LRP2: variants seen among roughly 807,000 people sequenced by gnomAD.
The protein encoded by LRP2 is LDL receptor related protein 2.
LRP2 carries 172 observed loss-of-function variants against 531.0 expected under a neutral mutation model. The ratio of observed to expected loss-of-function variants is 0.32; its 90% confidence interval spans 0.29 to 0.37. LRP2 has a LOEUF of 0.37. LRP2 is among the 10% of genes least tolerant of loss of function. The pLI is 1.00. For missense variants in LRP2, 5,167 were observed against 5,868.3 expected, an observed-to-expected ratio of 0.88 and a Z score of 3.90; for synonymous variants, 1,992 against 2,027.6, an observed-to-expected ratio of 0.98 and a Z score of 0.47.
intron 41 of LRP2, among the ~76,000 whole-genome samples, chr2:169,204,788 T>C (rs915744045): frequency 4.6e-5 from 7 of 152,104 alleles, no homozygotes; most frequent in African/African-American, 1.7e-4. Context: ...CAAAGAAATA[T>C]GCAAGAAAAA....
At chr2:169,158,469 T>A (rs142121207) in intron 63 of LRP2, among the ~76,000 whole-genome samples, 2 of 152,044 alleles carry the variant, frequency 1.3e-5, no homozygotes, top group Non-Finnish European at 2.9e-5. Context: ...AAATTGAATA[T>A]GTCTGGAACT....
At chr2:169,331,537 T>A (rs1203623464) in intron 1 of LRP2, among the ~76,000 whole-genome samples, 1 of 152,192 alleles carries the variant, frequency 6.6e-6, no homozygotes, top group East Asian at 1.9e-4. Flanking sequence ...GGAAGGAAAC[T>A]AAGCTCAAGA....
chr2:169,302,596 G>A (rs1684312751), intron 4 of LRP2, among the ~76,000 whole-genome samples: 1 of 152,166 alleles, frequency 6.6e-6, no homozygotes, highest in Non-Finnish European at 1.5e-5. Flanking sequence ...GGTCCCAAAT[G>A]TCATTAGTGT....
chr2:169,351,586 C>G (rs1685850111), intron 1 of LRP2, among the ~76,000 whole-genome samples: 1 of 152,124 alleles, frequency 6.6e-6, no homozygotes, highest in Non-Finnish European at 1.5e-5. Flanking sequence ...CTGGTTGCTT[C>G]CATTTTCACA....
chr2:169,282,906 C>G lies in LRP2; in HGVS notation c.1138G>C (p.Glu380Gln). ...LCHCEEGYIL[E>Q]RGQYCKANDS... Reference sequence around the variant, plus strand: ...TTAGCTTTGCAATACTGTCCACGCTCCAAGATATACCCTTCTTCACAGTGG... The same window carrying G: ...TTAGCTTTGCAATACTGTCCACGCTGCAAGATATACCCTTCTTCACAGTGG... The change falls in exon 10 of 79, where the codon GAG (glutamate) becomes CAG (glutamine). Residue 380 changes from glutamate (E) to glutamine (Q), a missense_variant. By Grantham distance (29) the Glu-to-Gln change is conservative. This residue lies in a region of LRP2 where 2,811 missense variants were observed against 3,058.0 expected (regional missense o/e 0.92). Coordinates refer to ENST00000649046, the MANE Select transcript of LRP2 (RefSeq NM_004525.3). 9 of 1,614,110 alleles carry G rather than the reference C, an allele frequency of 5.6e-6. No homozygotes were observed. The highest frequency in any genetic ancestry group is 1.7e-4 in the Middle Eastern group (1 of 6,060).
At chr2:169,318,222 G>C (rs1049852113) in intron 3 of LRP2, among the ~76,000 whole-genome samples, 21 of 152,086 alleles carry the variant, frequency 1.4e-4, no homozygotes, top group African/African-American at 4.6e-4. Flanking sequence ...GTCCAGGGAT[G>C]CCGCAGTTGC....
At chr2:169,160,826 A>C (rs1205702140) in intron 63 of LRP2, among the ~76,000 whole-genome samples, 1 of 152,218 alleles carries the variant, frequency 6.6e-6, no homozygotes, top group Non-Finnish European at 1.5e-5. Flanking sequence ...AGGCTTTTAA[A>C]ATATTTTATC....
In LRP2 at chr2:169,246,864, AG is replaced by A; in HGVS notation, c.3030del (p.Leu1011Ter). On this transcript the variant is annotated frameshift_variant, in exon 21 of 79. Transcript: ENST00000649046. LOFTEE classifies it high-confidence loss of function. Reference sequence around the variant, plus strand: ...TTGGTTGGGTCCCCCTCGCATGTCAAGTGATTGGAAGCCAGCCTCATTCCAT... The same window carrying A: ...TTGGTTGGGTCCCCCTCGCATGTCAATGATTGGAAGCCAGCCTCATTCCAT... ...CPYGMRLASN[H>X]LTCEGDPTNE... The A allele has an allele frequency of 6.2e-7, 1 of 1,614,184 alleles. No individual in the cohort carries two copies. The highest frequency in any genetic ancestry group is 8.5e-7 in the Non-Finnish European group (1 of 1,180,038).
chr2:169,339,821 C>T (rs1421629721), intron 1 of LRP2, among the ~76,000 whole-genome samples: 1 of 152,134 alleles, frequency 6.6e-6, no homozygotes, highest in Non-Finnish European at 1.5e-5. Context: ...CCACATCTCA[C>T]AAAAGGAAAA....
At chr2:169,338,299 GAAGA>G (rs372463862) in intron 1 of LRP2, among the ~76,000 whole-genome samples, 25 of 145,186 alleles carry the variant, frequency 1.7e-4, no homozygotes, top group African/African-American at 3.3e-4. Flanking sequence ...AAAAAGGAAG[GAAGA>G]AAGAAAGAAA....
At chr2:169,162,890 C>T (rs541964851) in intron 62 of LRP2, among the ~76,000 whole-genome samples, 2 of 152,234 alleles carry the variant, frequency 1.3e-5, no homozygotes, top group African/African-American at 4.8e-5. Context: ...GGCAGCACAG[C>T]TGCAAGATGC....
At chr2:169,181,762 G>C in intron 51 of LRP2, 144 bp from the exon 52 acceptor site, 1 of 641,238 alleles carries the variant, frequency 1.6e-6, no homozygotes. Flanking sequence ...ATTCAGAAAA[G>C]AAAGAGAGCT....
chr2:169,334,996 C>T (rs1409569862), intron 1 of LRP2, among the ~76,000 whole-genome samples: 7 of 152,132 alleles, frequency 4.6e-5, no homozygotes, highest in African/African-American at 1.2e-4. Context: ...AAAATCTAAG[C>T]CACCTTGCTT....
rs374982382 is a variant in LRP2 at position 169,241,014 on chromosome 2, T to C, written c.4019A>G (p.Asn1340Ser). The change falls in exon 25 of 79, where the codon AAT becomes AGT. Residue 1340 changes from asparagine (N) to serine (S), a missense_variant. Around this residue, in one of 6 missense-constraint regions of LRP2, gnomAD observed 2,811 missense variants for 3,058.0 expected, o/e 0.92. Transcript: ENST00000649046. ...VVCDGIFDCP[N>S]GTDESPLCNG... The stretch of plus-strand genomic sequence containing the variant: ...GCAAAGTGGGGACTCATCTGTCCCA[T>C]TGGGGCAGTCAAAGATGCCATCACA... 65 of 1,613,770 alleles carry C rather than the reference T, an allele frequency of 4.0e-5. No homozygotes were observed. Among genetic ancestry groups the C allele is most frequent in the Middle Eastern group, 1.6e-4 (1 of 6,084 alleles).
intron 3 of LRP2, among the ~76,000 whole-genome samples, chr2:169,317,343 A>G (rs893813273): frequency 6.6e-6 from 1 of 152,188 alleles, no homozygotes; most frequent in African/African-American, 2.4e-5. Context: ...TATATAGCCT[A>G]AAGATGAACA....
chr2:169,339,348 C>T (rs966799301), intron 1 of LRP2, among the ~76,000 whole-genome samples: 1 of 152,126 alleles, frequency 6.6e-6, no homozygotes, highest in Non-Finnish European at 1.5e-5. Context: ...AAAACAACAA[C>T]ATATCCATAT....
chr2:169,202,086 T>C (rs1688221915), intron 43 of LRP2, among the ~76,000 whole-genome samples: 1 of 152,150 alleles, frequency 6.6e-6, no homozygotes, highest in Non-Finnish European at 1.5e-5. Flanking sequence ...TAGGCACAAA[T>C]CAAGTAATTT....
At chr2:169,255,781 T>A (rs996351513) in intron 19 of LRP2, among the ~76,000 whole-genome samples, 2 of 152,166 alleles carry the variant, frequency 1.3e-5, no homozygotes, top group Non-Finnish European at 2.9e-5. Context: ...ATGAAGGCAG[T>A]AATTTACTGT....
chr2:169,361,108 G>A (rs1014559315), intron 1 of LRP2, among the ~76,000 whole-genome samples: 1 of 152,098 alleles, frequency 6.6e-6, no homozygotes, highest in African/African-American at 2.4e-5. Flanking sequence ...TCCGACGGGA[G>A]GGAAGGAGCA....
Sources: gnomAD v4.1 joint callset for allele counts (sites outside exome capture counted in the v4.1 genomes callset) on GRCh38, gnomAD v4.1.1 for gene constraint, gnomAD v4.1.1 regional missense constraint, MANE v1.5 for transcripts, NCBI Gene and HGNC (gene_info 2026-07-23, HGNC 2026-07-21) for gene names.